IGSF5: variants seen among roughly 807,000 people sequenced by gnomAD.
IGSF5 encodes immunoglobulin superfamily member 5, also known as immunoglobulin superfamily 5 like.
In IGSF5, 41 loss-of-function variants were observed where a neutral mutation model predicts 39.4. The observed-to-expected ratio is 1.04, with a 90% CI of 0.81 to 1.35. The LOEUF (loss-of-function observed/expected upper bound fraction) is 1.35. IGSF5 is among the 40% of genes most tolerant of loss of function. The probability of loss-of-function intolerance (pLI) is 0.00; values close to 1 mark genes in which losing one functional copy is unlikely to be tolerated. For missense variants in IGSF5, 487 were observed against 494.6 expected, an observed-to-expected ratio of 0.98 and a Z score of 0.15; for synonymous variants, 183 against 175.3, an observed-to-expected ratio of 1.04 and a Z score of -0.34.
At chr21:39,741,595 T>G (rs1228311803), upstream of IGSF5, among the ~76,000 whole-genome samples, 2 of 151,860 alleles carry the variant, frequency 1.3e-5, no homozygotes, top group African/African-American at 4.8e-5. Flanking sequence ...AGGACAGGAG[T>G]GTCCAGGTAT....
At chr21:39,787,516 T>G (rs992741523) in intron 5 of IGSF5, among the ~76,000 whole-genome samples, 39 of 149,716 alleles carry the variant, frequency 2.6e-4, no homozygotes, top group Non-Finnish European at 1.0e-4. Flanking sequence ...AGTCTATGGA[T>G]CCACTGACTA....
At chr21:39,799,721 A>G (rs771638659) in intron 8 of IGSF5, among the ~76,000 whole-genome samples, 3 of 152,178 alleles carry the variant, frequency 2.0e-5, no homozygotes, top group Non-Finnish European at 4.4e-5. Context: ...AGGTCTTGAC[A>G]CCAAAGACTC....
chr21:39,752,486 C>T (rs1038198769), intron 2 of IGSF5, among the ~76,000 whole-genome samples: 17 of 152,084 alleles, frequency 1.1e-4, no homozygotes, highest in African/African-American at 3.9e-4. Context: ...CATGTGCAAG[C>T]GTCTTTTTCA....
the IGSF5 span, among the ~76,000 whole-genome samples, chr21:39,735,443 A>G: frequency 6.6e-6 from 1 of 152,238 alleles, no homozygotes; most frequent in Non-Finnish European, 1.5e-5. Context: ...TGCTATTTGT[A>G]TAGATTACAA....
At chr21:39,748,771 A>G (rs1454570575) in intron 2 of IGSF5, among the ~76,000 whole-genome samples, 6 of 151,744 alleles carry the variant, frequency 4.0e-5, no homozygotes, top group African/African-American at 1.5e-4. Flanking sequence ...TTTTCACACT[A>G]TAATTTTTTT....
chr21:39,801,151 C>A, intron 8 of IGSF5, 111 bp from the exon 9 acceptor site: 1 of 712,158 alleles, frequency 1.4e-6, no homozygotes, highest in Admixed American at 2.6e-5. Context: ...ATTTTTGTTC[C>A]TCTCCGTACC....
At chr21:39,723,660 T>C in the IGSF5 span, among the ~76,000 whole-genome samples, 1 of 152,166 alleles carries the variant, frequency 6.6e-6, no homozygotes, top group Non-Finnish European at 1.5e-5. Flanking sequence ...ACTATAAAGG[T>C]TATGGGTCAA....
chr21:39,780,092 T>G (rs1192311440), intron 5 of IGSF5, among the ~76,000 whole-genome samples: 1 of 152,240 alleles, frequency 6.6e-6, no homozygotes, highest in Non-Finnish European at 1.5e-5. Flanking sequence ...AGATGATGGT[T>G]ATATGAATTA....
At chr21:39,739,984 T>C in the IGSF5 span, among the ~76,000 whole-genome samples, 1 of 152,176 alleles carries the variant, frequency 6.6e-6, no homozygotes, top group Non-Finnish European at 1.5e-5. Context: ...TAAATAACAA[T>C]TTGGCCATCT....
chr21:39,739,108 T>C, the IGSF5 span, among the ~76,000 whole-genome samples: 1 of 152,078 alleles, frequency 6.6e-6, no homozygotes, highest in African/African-American at 2.4e-5. Context: ...TTTTGTATTT[T>C]TGGTAGAGAC....
chr21:39,789,421 A>C (rs149282234), intron 6 of IGSF5, among the ~76,000 whole-genome samples: 42 of 152,268 alleles, frequency 2.8e-4, no homozygotes, highest in African/African-American at 9.9e-4. Context: ...GGCCCACCTC[A>C]GGGCTTGGGC....
chr21:39,754,611 TG>T (rs2080020999), intron 2 of IGSF5, among the ~76,000 whole-genome samples: 1 of 152,132 alleles, frequency 6.6e-6, no homozygotes, highest in African/African-American at 2.4e-5. Context: ...GAGGAATTGG[TG>T]GGTGGCTAAA....
At chr21:39,721,560 A>G in the IGSF5 span, among the ~76,000 whole-genome samples, 1 of 152,160 alleles carries the variant, frequency 6.6e-6, no homozygotes. Context: ...TTCAAATCAA[A>G]TTAATGTTAA....
At chr21:39,713,553 T>C in the IGSF5 span, among the ~76,000 whole-genome samples, 1 of 152,182 alleles carries the variant, frequency 6.6e-6, no homozygotes, top group East Asian at 1.9e-4. Context: ...TGCCGGGCTG[T>C]ATGGGCCCAA....
upstream of IGSF5, among the ~76,000 whole-genome samples, chr21:39,741,151 G>A (rs950074028): frequency 6.6e-6 from 1 of 152,072 alleles, no homozygotes; most frequent in Non-Finnish European, 1.5e-5. Context: ...TGCCCCGTTA[G>A]CAAGCTTAGC....
At chr21:39,763,570 C>A (rs1340940485) in intron 2 of IGSF5, among the ~76,000 whole-genome samples, 1 of 152,174 alleles carries the variant, frequency 6.6e-6, no homozygotes, top group Non-Finnish European at 1.5e-5. Context: ...AATCTCAGCA[C>A]TTCGCACAAG....
At chr21:39,753,999 T>C (rs900501191) in intron 2 of IGSF5, among the ~76,000 whole-genome samples, 4 of 152,174 alleles carry the variant, frequency 2.6e-5, no homozygotes, top group African/African-American at 9.7e-5. Flanking sequence ...ATTAGGTCAA[T>C]ATTAAGATGT....
chr21:39,746,153 T>C, intron 1 of IGSF5, 63 bp from the exon 2 acceptor site: 1 of 700,520 alleles, frequency 1.4e-6, no homozygotes, highest in Admixed American at 2.0e-5. Context: ...CACTTAGCCA[T>C]GCAGGAACAA....
chr21:39,791,768 G>T (rs1452757381), intron 6 of IGSF5: 2 of 414,714 alleles, frequency 4.8e-6, no homozygotes, highest in Non-Finnish European at 8.7e-6. Flanking sequence ...AGTAACAACT[G>T]GGGAGTAGAG....
Sources: allele counts gnomAD v4.1 joint callset (sites outside exome capture counted in the v4.1 genomes callset), GRCh38; gene constraint gnomAD v4.1.1; transcripts MANE v1.5; gene names NCBI Gene and HGNC (gene_info 2026-07-23, HGNC 2026-07-21).